The following ABHD2 variants were observed in gnomAD, a reference collection of about 807,000 sequenced individuals.
ABHD2 encodes the protein monoacylglycerol lipase ABHD2.
In ABHD2, 20 loss-of-function variants were observed where a neutral mutation model predicts 48.1. The ratio of observed to expected loss-of-function variants is 0.42; its 90% CI spans 0.29 to 0.60. The LOEUF is 0.60. Ranked by LOEUF, ABHD2 falls within the 20% of genes least tolerant of loss-of-function variation. ABHD2 has a pLI of 0.24. For missense variants in ABHD2, 405 were observed against 550.9 expected, an observed-to-expected ratio of 0.74 and a Z score of 2.65; for synonymous variants, 209 against 214.2, an observed-to-expected ratio of 0.98 and a Z score of 0.21.
chr15:89,115,602 A>G (rs535914405), intron 2 of ABHD2, among the ~76,000 whole-genome samples: 2 of 152,276 alleles, frequency 1.3e-5, no homozygotes, highest in Admixed American at 6.5e-5. Context: ...TAGCCTCCGC[A>G]GGGGGAAAAA....
intron 3 of ABHD2, among the ~76,000 whole-genome samples, chr15:89,132,767 T>C (rs1199660116): frequency 2.0e-5 from 3 of 152,228 alleles, no homozygotes; most frequent in African/African-American, 7.2e-5. Flanking sequence ...GACTTTGCTT[T>C]AGTAGGACTT....
the ABHD2 span, among the ~76,000 whole-genome samples, chr15:89,055,137 G>A: frequency 0.17 from 25,422 of 152,020 alleles, 2,447 homozygotes; most frequent in South Asian, 0.28. Flanking sequence ...GTTCAAGACT[G>A]CAGTGAGCCA....
At chr15:89,081,339 T>C in the ABHD2 span, among the ~76,000 whole-genome samples, 2 of 152,066 alleles carry the variant, frequency 1.3e-5, no homozygotes, top group Non-Finnish European at 2.9e-5. Context: ...CTGTGAAAGC[T>C]GAATAGTATT....
In ABHD2 at chr15:89,137,659, G is replaced by A. The variant is rs149374854; in HGVS notation, c.195-14018G>A. On this transcript the variant is annotated intron_variant, in intron 3 of 10. Coordinates refer to ENST00000352732, the MANE Select transcript of ABHD2 (RefSeq NM_152924.5). This position sits in a 1 kb window ranked among gnomAD's most constrained non-coding sequence, Gnocchi z 4.8. Reference sequence around the variant, plus strand: ...GCAGATCCTGCAATTCAGGAATAGAGCATTTAGCAACAACAGTGAAAATGT... The same window carrying A: ...GCAGATCCTGCAATTCAGGAATAGAACATTTAGCAACAACAGTGAAAATGT... 1.3e-5 allele frequency among the ~76,000 whole-genome samples: 2 copies of A among 152,342 alleles called. No individual in the cohort carries two copies. Among genetic ancestry groups the A allele is most frequent in the Non-Finnish European group, 2.9e-5 (2 of 68,038 alleles).
In ABHD2 at chr15:89,133,555, G is replaced by A. The variant is rs190622391; in HGVS notation, c.194+17034G>A. On this transcript the variant is annotated intron_variant, in intron 3 of 10. Coordinates refer to ENST00000352732, the MANE Select transcript of ABHD2 (RefSeq NM_152924.5). ...TTTGATATTTGCCAATCTGGTAGGT[G>A]AAAAATGTTTTCTCACTGTGGTTTT... Among the ~76,000 whole-genome samples the A allele has an allele frequency of 3.9e-3, 596 of 152,272 alleles. 3 individuals carry two copies. The highest frequency in any genetic ancestry group is 0.014 in the African/African-American group (569 of 41,562).
chr15:89,089,585 A>G (rs1901509893), intron 1 of ABHD2, among the ~76,000 whole-genome samples: 1 of 152,194 alleles, frequency 6.6e-6, no homozygotes, highest in African/African-American at 2.4e-5. Context: ...CCAGTAACCA[A>G]ATCCAAAGGC....
chr15:89,180,372 A>G (rs550479224), intron 6 of ABHD2, among the ~76,000 whole-genome samples: 3 of 152,300 alleles, frequency 2.0e-5, no homozygotes, highest in East Asian at 3.9e-4. Context: ...ATAAGGAAGA[A>G]AGGGGCTTGG....
rs776349695 is a variant in ABHD2, at chr15:89,114,057, G to A, written c.-7+233G>A. ...ACCAGCATATAGTCAGAGAATTTCTGGTGGATTTTAGTTTTGGTCCTCTAA... is the reference window on the plus strand; with the variant it reads ...ACCAGCATATAGTCAGAGAATTTCTAGTGGATTTTAGTTTTGGTCCTCTAA... On this transcript the variant is annotated intron_variant, in intron 2 of 10. Coordinates refer to ENST00000352732, the MANE Select transcript of ABHD2 (RefSeq NM_152924.5). This position sits in a 1 kb window ranked among gnomAD's most constrained non-coding sequence, Gnocchi z 4.2. Among the ~76,000 whole-genome samples the A allele has an allele frequency of 2.0e-5, 3 of 152,182 alleles. No homozygotes were observed. The highest frequency in any genetic ancestry group is 4.4e-5 in the Non-Finnish European group (3 of 68,036).
At chr15:89,153,886 C>A (rs954931591) in intron 4 of ABHD2, among the ~76,000 whole-genome samples, 1 of 152,126 alleles carries the variant, frequency 6.6e-6, no homozygotes, top group Admixed American at 6.5e-5. Context: ...TATTAAAACT[C>A]TAAAAGTCTT....
chr15:89,063,510 CCTCT>C, the ABHD2 span, among the ~76,000 whole-genome samples: 322 of 148,850 alleles, frequency 2.2e-3, 1 homozygote, highest in East Asian at 0.02. Context: ...CTAATCTCTG[CCTCT>C]CTCTCTCTCT....
In ABHD2 at chr15:89,140,982, T is replaced by G. The variant is rs1290475383; in HGVS notation, c.195-10695T>G. Among the ~76,000 whole-genome samples the G allele has an allele frequency of 1.5e-4, 23 of 151,914 alleles. 1 individual carries two copies. The highest frequency in any genetic ancestry group is 2.6e-4 in the Non-Finnish European group (18 of 67,986). ...AATAGTTTAGTTTCACTTTTTTTTT[T>G]TTGTTGGACAGAGTCTTACTCTGTC... On this transcript the variant is annotated intron_variant, in intron 3 of 10. Transcript: ENST00000352732.
At chr15:89,080,313 C>T in the ABHD2 span, among the ~76,000 whole-genome samples, 1 of 152,162 alleles carries the variant, frequency 6.6e-6, no homozygotes, top group African/African-American at 2.4e-5. Flanking sequence ...ATGTAGAACA[C>T]AATGTGGGAA....
At position 89,145,780 on chromosome 15, in the gene ABHD2, T is replaced by TG. The variant is rs546554585; in HGVS notation, c.195-5891dup. On this transcript the variant is annotated intron_variant, in intron 3 of 10. Coordinates refer to ENST00000352732, the MANE Select transcript of ABHD2 (RefSeq NM_152924.5). ...CTGGGACATTGACCTTTGAGTAGGG[T>TG]GGGGGGACACTGGTACTAATGGTGT... Among the ~76,000 whole-genome samples the TG allele has an allele frequency of 1.2e-3, 182 of 152,168 alleles. 2 individuals are homozygous for TG. The South Asian group carries it at 0.021, about 17-fold the overall frequency.
At chr15:89,067,773 C>A in the ABHD2 span, among the ~76,000 whole-genome samples, 1 of 152,186 alleles carries the variant, frequency 6.6e-6, no homozygotes, top group African/African-American at 2.4e-5. Flanking sequence ...CTCTGTGGAG[C>A]AAACTCTATT....
chr15:89,128,792 G>T (rs1246159207), intron 3 of ABHD2, among the ~76,000 whole-genome samples: 2 of 152,126 alleles, frequency 1.3e-5, no homozygotes, highest in African/African-American at 4.8e-5. Context: ...GGTCTGTGGG[G>T]GGGAGGAAGA....
At chr15:89,180,918 CAG>C (rs746941172) in intron 6 of ABHD2, among the ~76,000 whole-genome samples, 35 of 152,032 alleles carry the variant, frequency 2.3e-4, no homozygotes, top group Non-Finnish European at 4.6e-4. Flanking sequence ...TATAACACGA[CAG>C]AATGTATATA....
intron 3 of ABHD2, chr15:89,135,824 C>G (rs2050300109): frequency 2.6e-6 from 2 of 765,536 alleles, no homozygotes; most frequent in East Asian, 4.9e-5. Context: ...GCCAGATGTT[C>G]TCCTTTGATA....
Position 89,139,959 on chromosome 15 carries a change from CGCAGCAGGTCTCT to C in ABHD2, c.195-11716_195-11704del, listed in dbSNP as rs2050376685. 1.3e-5 allele frequency among the ~76,000 whole-genome samples: 2 copies of C among 152,300 alleles called. 1 individual carries two copies. The highest frequency in any genetic ancestry group is 3.9e-4 in the East Asian group (2 of 5,184). On this transcript the variant is annotated intron_variant, in intron 3 of 10. Coordinates refer to ENST00000352732, the MANE Select transcript of ABHD2 (RefSeq NM_152924.5). ...AGTGTGCAGTTGTCTGGAGCAGCCA[CGCAGCAGGTCTCT>C]GTAGCCCTGATGGAGAGAGTTTTCT...
chr15:89,050,809 T>C, the ABHD2 span, among the ~76,000 whole-genome samples: 1 of 152,126 alleles, frequency 6.6e-6, no homozygotes, highest in African/African-American at 2.4e-5. Flanking sequence ...GGGGAAAACA[T>C]GCACAAGTGG....
Sources: gnomAD v4.1 joint callset for allele counts (sites outside exome capture counted in the v4.1 genomes callset) on GRCh38, gnomAD v4.1.1 for gene constraint, Gnocchi (gnomAD v3.1) non-coding constraint, MANE v1.5 for transcripts, NCBI Gene and HGNC (gene_info 2026-07-23, HGNC 2026-07-21) for gene names.